HIVEP2: variants seen among roughly 807,000 people sequenced by gnomAD.
HIVEP2 encodes the protein transcription factor HIVEP2.
In HIVEP2, 14 loss-of-function variants were observed where a neutral mutation model predicts 180.7. The observed-to-expected ratio is 0.08, with a 90% CI of 0.05 to 0.12. The LOEUF is 0.12. Among genes scored for constraint, HIVEP2 ranks in the 10% least tolerant of loss-of-function variants. The pLI, the probability that HIVEP2 is intolerant of heterozygous loss-of-function variation, is 1.00. For missense variants in HIVEP2, 2,579 were observed against 3,008.5 expected (o/e 0.86, Z 3.34); for synonymous variants, 1,184 against 1,136.4 (o/e 1.04, Z -0.84).
intron 1 of HIVEP2, among the ~76,000 whole-genome samples, chr6:142,863,079 G>T (rs1776047244): frequency 2.2e-5 from 3 of 139,110 alleles, no homozygotes; most frequent in African/African-American, 5.3e-5. Flanking sequence ...GTAATTATAT[G>T]TAATATATAA....
chr6:142,765,102 C>G, intron 6 of HIVEP2, 128 bp from the exon 7 acceptor site: 1 of 795,166 alleles, frequency 1.3e-6, no homozygotes, highest in Non-Finnish European at 1.9e-6. Flanking sequence ...TTCAACTTTA[C>G]TTCTACGAAG....
chr6:142,921,741 T>C (rs1777687618), intron 1 of HIVEP2, among the ~76,000 whole-genome samples: 1 of 152,164 alleles, frequency 6.6e-6, no homozygotes, highest in South Asian at 2.1e-4. Flanking sequence ...TAATCTGAAA[T>C]AACTAGGGAG....
chr6:142,822,494 A>G (rs1295529063), intron 2 of HIVEP2, among the ~76,000 whole-genome samples: 1 of 152,236 alleles, frequency 6.6e-6, no homozygotes, highest in Non-Finnish European at 1.5e-5. Flanking sequence ...TGTGATTTCT[A>G]TTGGTGACAA....
intron 2 of HIVEP2, among the ~76,000 whole-genome samples, chr6:142,796,509 TTACTG>T (rs1776282267): frequency 1.3e-5 from 2 of 152,236 alleles, no homozygotes; most frequent in South Asian, 4.1e-4. Flanking sequence ...GAAAATAAAT[TTACTG>T]TACTGTACTG....
chr6:142,936,200 T>C (rs756723479), intron 1 of HIVEP2, among the ~76,000 whole-genome samples: 2 of 151,714 alleles, frequency 1.3e-5, no homozygotes, highest in Non-Finnish European at 2.9e-5. Flanking sequence ...TCTCTCTCTC[T>C]CTTTTTTTTT....
intron 2 of HIVEP2, among the ~76,000 whole-genome samples, chr6:142,832,414 A>C (rs1192510372): frequency 6.6e-6 from 1 of 152,196 alleles, no homozygotes; most frequent in Non-Finnish European, 1.5e-5. Flanking sequence ...AAATGCATAC[A>C]AAAAGTGGCA....
Position 142,774,226 on chromosome 6 carries a change from T to C in HIVEP2, c.513A>G (p.Glu171=), listed in dbSNP as rs1449271968. 1 of 1,614,162 alleles carries C rather than the reference T, an allele frequency of 6.2e-7. No homozygotes were observed. Among genetic ancestry groups the C allele is most frequent in the Non-Finnish European group, 8.5e-7 (1 of 1,180,038 alleles). ...CTTTCTTGTGAGCCTCTTCTGCCTG[T>C]TCAATACTTTTCTGGGAGTATTGGC... ...AYSQYSQKSI[E]QAEEAHKKEH... Residue 171 remains glutamate, a synonymous_variant, in exon 5 of 10, where the codon GAA becomes GAG. Transcript: ENST00000367603. The surrounding 1 kb of genome is among the most constrained non-coding windows in gnomAD (Gnocchi z 5.1).
At chr6:142,902,310 TG>T (rs1333738657) in intron 1 of HIVEP2, among the ~76,000 whole-genome samples, 1 of 147,128 alleles carries the variant, frequency 6.8e-6, no homozygotes, top group African/African-American at 2.7e-5. Flanking sequence ...CCTCGCCTGG[TG>T]GTATTCTGCC....
Position 142,835,616 on chromosome 6 carries a change from C to T in HIVEP2, c.-528+1319G>A, listed in dbSNP as rs539241348. Reference sequence around the variant, plus strand: ...GGTTTTTCATCTAACTGCCTCATATCCCTTTAATTATCCAAAACTTTTTCC... The same window carrying T: ...GGTTTTTCATCTAACTGCCTCATATTCCTTTAATTATCCAAAACTTTTTCC... On this transcript the variant is annotated intron_variant, in intron 2 of 9. Transcript: ENST00000367603. 2.6e-5 allele frequency among the ~76,000 whole-genome samples: 4 copies of T among 152,130 alleles called. No homozygotes were observed. In the South Asian group the frequency reaches 8.3e-4, roughly 31 times the overall value.
intron 8 of HIVEP2, 52 bp downstream of exon 8, chr6:142,761,412 G>A: frequency 1.1e-6 from 1 of 870,060 alleles, no homozygotes; most frequent in East Asian, 2.4e-5. Context: ...CAGCCACAGA[G>A]CTCCACTGTG....
At chr6:142,813,472 C>G (rs1248248064) in intron 2 of HIVEP2, among the ~76,000 whole-genome samples, 4 of 151,864 alleles carry the variant, frequency 2.6e-5, no homozygotes, top group African/African-American at 9.7e-5. Context: ...TTAAATTTGC[C>G]CCTTCATTGT....
At position 142,927,222 on chromosome 6, in the gene HIVEP2, C is replaced by A. The variant is rs77916637; in HGVS notation, c.-641+17877G>T. 3.8e-3 allele frequency among the ~76,000 whole-genome samples: 574 copies of A among 152,268 alleles called. 5 individuals are homozygous for A. Among genetic ancestry groups the A allele is most frequent in the African/African-American group, 0.013 (544 of 41,572 alleles). On this transcript the variant is annotated intron_variant, in intron 1 of 9. Coordinates refer to ENST00000367603, the MANE Select transcript of HIVEP2 (RefSeq NM_006734.4). Reference sequence around the variant, plus strand: ...CCTCCTCCACCGCCTGGATTTCCCACGGGGAGGAAAAGGCGTGCGTTTCCA... The same window carrying A: ...CCTCCTCCACCGCCTGGATTTCCCAAGGGGAGGAAAAGGCGTGCGTTTCCA...
intron 2 of HIVEP2, among the ~76,000 whole-genome samples, chr6:142,791,543 A>G (rs914477000): frequency 2.6e-5 from 4 of 152,236 alleles, no homozygotes; most frequent in African/African-American, 9.6e-5. Context: ...GCAGGCATTT[A>G]TAAGATCCTA....
At chr6:142,937,774 C>A (rs980938064) in intron 1 of HIVEP2, among the ~76,000 whole-genome samples, 1 of 152,184 alleles carries the variant, frequency 6.6e-6, no homozygotes, top group Non-Finnish European at 1.5e-5. Flanking sequence ...AGCAAAGCAT[C>A]CCCACAAAAA....
At chr6:142,849,197 G>A (rs1245956922) in intron 1 of HIVEP2, among the ~76,000 whole-genome samples, 1 of 152,190 alleles carries the variant, frequency 6.6e-6, no homozygotes, top group Non-Finnish European at 1.5e-5. Context: ...TATGAAAAGT[G>A]CTGTAGTACA....
At chr6:142,809,147 T>A (rs902150712) in intron 2 of HIVEP2, among the ~76,000 whole-genome samples, 5 of 152,060 alleles carry the variant, frequency 3.3e-5, no homozygotes, top group African/African-American at 1.2e-4. Context: ...AAGGGATGAA[T>A]ACTAGATATG....
chr6:142,866,470 T>A (rs1232976743), intron 1 of HIVEP2, among the ~76,000 whole-genome samples: 1 of 152,156 alleles, frequency 6.6e-6, no homozygotes, highest in Non-Finnish European at 1.5e-5. Context: ...ATTCCACATC[T>A]GCTGTGAAAT....
chr6:142,773,786 G>A lies in HIVEP2; in HGVS notation c.953C>T (p.Ser318Leu). The change falls in exon 5 of 10, where the codon TCA becomes TTA. Residue 318 changes from serine to leucine, a missense_variant. Ser to Leu is a moderately radical substitution (Grantham distance 145). Coordinates refer to ENST00000367603, the MANE Select transcript of HIVEP2 (RefSeq NM_006734.4). ...RGGYHGSLEESLGGPMKVPIL... is the reference protein window; with the variant it reads ...RGGYHGSLEELLGGPMKVPIL... Reference sequence around the variant, plus strand: ...CGGCACCTTCATTGGACCTCCCAATGATTCTTCCAATGACCCATGATAGCC... The same window carrying A: ...CGGCACCTTCATTGGACCTCCCAATAATTCTTCCAATGACCCATGATAGCC... 2 of 1,613,948 alleles carry A rather than the reference G, an allele frequency of 1.2e-6. 1 individual carries two copies.
intron 2 of HIVEP2, among the ~76,000 whole-genome samples, chr6:142,824,515 T>C (rs1774811539): frequency 6.6e-6 from 1 of 152,136 alleles, no homozygotes; most frequent in Admixed American, 6.5e-5. Flanking sequence ...GCCCCATAAA[T>C]ACTGGCAGCA....
Sources: allele counts gnomAD v4.1 joint callset (sites outside exome capture counted in the v4.1 genomes callset), GRCh38; gene constraint gnomAD v4.1.1; non-coding constraint Gnocchi (gnomAD v3.1); transcripts MANE v1.5; gene names NCBI Gene and HGNC (gene_info 2026-07-23, HGNC 2026-07-21).